Variants in SNRPN observed in about 807,000 individuals in gnomAD.
SNRPN encodes small nuclear ribonucleoprotein polypeptide N.
Under a neutral mutation model 25.2 loss-of-function variants are expected in SNRPN, and 7 were observed. That is an observed-to-expected ratio of 0.28 (90% confidence interval 0.16 to 0.52). The LOEUF (loss-of-function observed/expected upper bound fraction) is 0.52. Ranked by LOEUF, SNRPN falls within the 20% of genes least tolerant of loss-of-function variation. The pLI is 0.96. For synonymous variants in SNRPN, 124 were observed against 110.6 expected (o/e 1.12, Z -0.76); for missense variants, 196 against 322.5 (o/e 0.61, Z 3.00).
rs778377202 is a variant in SNRPN at position 24,968,042 on chromosome 15, A to G, written c.-184A>G. 19 of 1,613,424 alleles carry G rather than the reference A, an allele frequency of 1.2e-5. No individual in the cohort carries two copies. The East Asian group carries it at 3.6e-4, about 30-fold the overall frequency. On this transcript the variant is annotated 5_prime_UTR_variant, in exon 3 of 10. Coordinates refer to ENST00000390687, the MANE Select transcript of SNRPN (RefSeq NM_003097.6). The stretch of plus-strand genomic sequence containing the variant: ...GAGACACCAAGAGGTGGTTAAAGCC[A>G]TATTGGAGTAGCGAGGAATCTGATT...
chr15:24,859,233 T>G (rs1241640173), intron 1 of SNRPN, among the ~76,000 whole-genome samples: 1 of 152,198 alleles, frequency 6.6e-6, no homozygotes, highest in Non-Finnish European at 1.5e-5. Context: ...AGAAGTAAAA[T>G]TGCTTTGCTA....
intron 2 of SNRPN, among the ~76,000 whole-genome samples, chr15:24,890,263 C>G (rs1321687099): frequency 6.6e-6 from 1 of 152,086 alleles, no homozygotes; most frequent in African/African-American, 2.4e-5. Context: ...GAGTTCTGCC[C>G]TATCCCTGGA....
intron 3 of SNRPN, among the ~76,000 whole-genome samples, chr15:24,939,737 C>T (rs1428641638): frequency 2.2e-5 from 3 of 133,364 alleles, no homozygotes; most frequent in Admixed American, 1.7e-4. Flanking sequence ...CTGGCTTGGC[C>T]CATTTTAAAA....
At chr15:24,838,783 G>A (rs944633626) in intron 2 of SNRPN, among the ~76,000 whole-genome samples, 1 of 152,040 alleles carries the variant, frequency 6.6e-6, no homozygotes, top group Non-Finnish European at 1.5e-5. Context: ...CCCACTGGAA[G>A]TATCAGATGT....
intron 3 of SNRPN, among the ~76,000 whole-genome samples, chr15:24,925,926 G>C (rs1284030001): frequency 6.6e-6 from 1 of 152,126 alleles, no homozygotes; most frequent in Non-Finnish European, 1.5e-5. Flanking sequence ...AGTAGAAATG[G>C]AGTTTCACTG....
chr15:24,870,547 C>A (rs958389262), intron 1 of SNRPN, among the ~76,000 whole-genome samples: 2 of 152,064 alleles, frequency 1.3e-5, no homozygotes, highest in Non-Finnish European at 2.9e-5. Context: ...AACTTAATCA[C>A]CAAGTTAGAG....
intron 1 of SNRPN, among the ~76,000 whole-genome samples, chr15:24,885,748 G>GTGTGTA (rs1555389079): frequency 7.3e-5 from 11 of 150,412 alleles, no homozygotes; most frequent in African/African-American, 2.7e-4. Context: ...GTGTGTGTGT[G>GTGTGTA]TGTGTATGTC....
intron 7 of SNRPN, among the ~76,000 whole-genome samples, chr15:24,977,561 C>G (rs187182869): frequency 6.6e-6 from 1 of 152,064 alleles, no homozygotes; most frequent in East Asian, 1.9e-4. Context: ...TCGCTTGAAC[C>G]CAGGAGTGGG....
At chr15:24,843,450 G>T (rs1282348898) in intron 2 of SNRPN, among the ~76,000 whole-genome samples, 1 of 152,034 alleles carries the variant, frequency 6.6e-6, no homozygotes, top group Non-Finnish European at 1.5e-5. Context: ...CAGTTCAAGA[G>T]CAGCTTCGCC....
intron 1 of SNRPN, among the ~76,000 whole-genome samples, chr15:24,877,685 C>G (rs1395205545): frequency 1.3e-5 from 2 of 149,036 alleles, no homozygotes; most frequent in Non-Finnish European, 3.0e-5. Context: ...CACACACACA[C>G]ACACACACAC....
chr15:24,876,682 G>C (rs2055928209), intron 1 of SNRPN, among the ~76,000 whole-genome samples: 1 of 151,144 alleles, frequency 6.6e-6, no homozygotes, highest in Admixed American at 6.6e-5. Flanking sequence ...TCCACAAAAT[G>C]CATGAGCATA....
At chr15:24,951,025 A>T (rs1242078699), upstream of SNRPN, among the ~76,000 whole-genome samples, 5 of 151,662 alleles carry the variant, frequency 3.3e-5, no homozygotes, top group African/African-American at 9.7e-5. Context: ...TGCCTGGCTA[A>T]TTTTTGTATT....
intron 1 of SNRPN, among the ~76,000 whole-genome samples, chr15:24,870,619 A>C (rs2055004689): frequency 6.7e-6 from 1 of 149,358 alleles, no homozygotes; most frequent in South Asian, 2.1e-4. Context: ...AACATTACCA[A>C]CTAAAGTACA....
intron 8 of SNRPN, 119 bp downstream of exon 8, chr15:24,978,035 T>G (rs1460348483): frequency 8.3e-7 from 1 of 1,212,058 alleles, no homozygotes; most frequent in African/African-American, 1.5e-5. Flanking sequence ...TTCTAGATAC[T>G]GGTTTTTAAT....
intron 1 of SNRPN, among the ~76,000 whole-genome samples, chr15:24,959,102 T>C (rs2074358927): frequency 6.6e-6 from 1 of 152,238 alleles, no homozygotes; most frequent in South Asian, 2.1e-4. Flanking sequence ...CCATTGCTTT[T>C]TGCTTTTCAA....
chr15:24,833,281 G>A (rs1198704942), intron 2 of SNRPN, among the ~76,000 whole-genome samples: 1 of 151,790 alleles, frequency 6.6e-6, no homozygotes, highest in Non-Finnish European at 1.5e-5. Flanking sequence ...GATTAGAATG[G>A]AACAGAATGT....
chr15:24,886,883 G>A, intron 2 of SNRPN, among the ~76,000 whole-genome samples: 1 of 151,616 alleles, frequency 6.6e-6, no homozygotes, highest in Non-Finnish European at 1.5e-5. Context: ...TTCTTCACAT[G>A]TTAGATATGA....
At chr15:24,833,896 TG>T (rs777369228) in intron 2 of SNRPN, among the ~76,000 whole-genome samples, 15 of 152,096 alleles carry the variant, frequency 9.9e-5, no homozygotes, top group Non-Finnish European at 4.4e-5. Context: ...ATGAGATCCC[TG>T]GGGAGGATGT....
At chr15:24,866,677 A>G (rs1449022649) in intron 1 of SNRPN, among the ~76,000 whole-genome samples, 1 of 152,146 alleles carries the variant, frequency 6.6e-6, no homozygotes, top group Non-Finnish European at 1.5e-5. Context: ...TCCATCCACA[A>G]AACTTCTGCC....
Sources: allele counts gnomAD v4.1 joint callset (sites outside exome capture counted in the v4.1 genomes callset), GRCh38; gene constraint gnomAD v4.1.1; transcripts MANE v1.5; gene names NCBI Gene and HGNC (gene_info 2026-07-23, HGNC 2026-07-21).